KCNIP4: variants seen among roughly 807,000 people sequenced by gnomAD.
KCNIP4 encodes the protein Kv channel-interacting protein 4.
KCNIP4 carries 12 observed loss-of-function variants against 34.0 expected under a neutral mutation model. That is an observed-to-expected ratio of 0.35 (90% CI 0.23 to 0.57). The LOEUF (loss-of-function observed/expected upper bound fraction) is 0.57, where lower values mean the gene tolerates loss of function less well. KCNIP4 is among the 20% of genes least tolerant of loss of function. The pLI, the probability that KCNIP4 is intolerant of heterozygous loss-of-function variation, is 0.83. For missense variants in KCNIP4, 238 were observed against 311.7 expected (o/e 0.76, Z 1.78); for synonymous variants, 124 against 102.2 (o/e 1.21, Z -1.29).
chr4:21,409,478 A>G lies in KCNIP4; in HGVS notation c.62-526769T>C, dbSNP rs554252111. The stretch of plus-strand genomic sequence containing the variant: ...TGTAAAATTTCAATAAAGATCAAGC[A>G]TCTGTGCTGAAAATTTACCATATGA... On this transcript the variant is annotated intron_variant, in intron 1 of 8. Transcript: ENST00000382152. Among the ~76,000 whole-genome samples, 4 of 152,276 alleles carry G rather than the reference A, an allele frequency of 2.6e-5. No homozygotes were observed. In the East Asian group the frequency reaches 7.7e-4, roughly 29 times the overall value.
intron 1 of KCNIP4, among the ~76,000 whole-genome samples, chr4:21,679,065 G>A (rs1216348784): frequency 6.6e-6 from 1 of 152,150 alleles, no homozygotes; most frequent in East Asian, 1.9e-4. Context: ...AAGCCAAGGA[G>A]AAAGGACTCA....
intron 1 of KCNIP4, among the ~76,000 whole-genome samples, chr4:20,900,875 C>T (rs73805218): frequency 0.012 from 1,828 of 151,996 alleles, 12 homozygotes; most frequent in Middle Eastern, 0.031. Context: ...ATTGTGTTCT[C>T]GAGCTAAAAT....
chr4:21,699,260 T>C (rs1712632432), intron 1 of KCNIP4, among the ~76,000 whole-genome samples: 2 of 152,200 alleles, frequency 1.3e-5, no homozygotes, highest in Admixed American at 1.3e-4. Context: ...CACAGCACTT[T>C]TATTCATAGA....
At chr4:20,797,968 G>A (rs1713694707) in intron 3 of KCNIP4, among the ~76,000 whole-genome samples, 1 of 152,224 alleles carries the variant, frequency 6.6e-6, no homozygotes, top group Non-Finnish European at 1.5e-5. Context: ...TAGTAAATCA[G>A]TGTTTTTAGC....
intron 1 of KCNIP4, among the ~76,000 whole-genome samples, chr4:20,914,795 T>A (rs562799074): frequency 6.6e-6 from 1 of 152,258 alleles, no homozygotes; most frequent in African/African-American, 2.4e-5. Context: ...TGGGTTCAGA[T>A]CTTACCAACG....
At chr4:21,345,730 T>G (rs546584762) in intron 1 of KCNIP4, among the ~76,000 whole-genome samples, 56 of 152,200 alleles carry the variant, frequency 3.7e-4, no homozygotes, top group African/African-American at 1.3e-3. Flanking sequence ...ATTTTCTTTA[T>G]TATATTAGCA....
At chr4:21,268,290 A>T (rs1423533034) in intron 1 of KCNIP4, among the ~76,000 whole-genome samples, 1 of 151,760 alleles carries the variant, frequency 6.6e-6, no homozygotes, top group East Asian at 1.9e-4. Context: ...TAATGTTTTT[A>T]TATGAAAATG....
chr4:21,064,213 G>C (rs1290550976), intron 1 of KCNIP4, among the ~76,000 whole-genome samples: 1 of 152,014 alleles, frequency 6.6e-6, no homozygotes. Flanking sequence ...GATGAAATTA[G>C]ATATGTTGGC....
chr4:20,872,249 G>A (rs959343737), intron 2 of KCNIP4, among the ~76,000 whole-genome samples: 3 of 152,080 alleles, frequency 2.0e-5, no homozygotes, highest in African/African-American at 7.2e-5. Context: ...CAGCCTCAAA[G>A]GAGAATGGTT....
intron 1 of KCNIP4, among the ~76,000 whole-genome samples, chr4:21,307,293 C>T (rs577849913): frequency 2.0e-5 from 3 of 152,254 alleles, no homozygotes; most frequent in African/African-American, 7.2e-5. Context: ...GTATTTCCCT[C>T]TCTTGCAGTG....
intron 1 of KCNIP4, among the ~76,000 whole-genome samples, chr4:20,992,565 C>T (rs970396817): frequency 6.6e-6 from 1 of 152,124 alleles, no homozygotes; most frequent in Non-Finnish European, 1.5e-5. Context: ...TGTGCTTTCT[C>T]CTGTCTCCCT....
intron 6 of KCNIP4, among the ~76,000 whole-genome samples, chr4:20,734,307 T>A (rs1749066104): frequency 6.6e-6 from 1 of 152,214 alleles, no homozygotes; most frequent in African/African-American, 2.4e-5. Flanking sequence ...AAAGAAAGGC[T>A]TCAGGCTAAA....
At chr4:21,276,393 T>C (rs1274273111) in intron 1 of KCNIP4, among the ~76,000 whole-genome samples, 1 of 148,904 alleles carries the variant, frequency 6.7e-6, no homozygotes, top group Non-Finnish European at 1.5e-5. Context: ...GTAGATACAG[T>C]GTTTCACCAT....
At chr4:21,616,858 T>C (rs1161897114) in intron 1 of KCNIP4, among the ~76,000 whole-genome samples, 5 of 152,224 alleles carry the variant, frequency 3.3e-5, no homozygotes, top group Admixed American at 2.6e-4. Context: ...AATTAGCTAA[T>C]TGATGACCTT....
intron 1 of KCNIP4, among the ~76,000 whole-genome samples, chr4:21,150,225 T>C (rs1180853613): frequency 1.3e-5 from 2 of 152,104 alleles, no homozygotes; most frequent in Non-Finnish European, 2.9e-5. Flanking sequence ...AGCAAACACA[T>C]AGGGTATGTA....
chr4:21,663,945 T>C lies in KCNIP4; in HGVS notation c.61+284626A>G, dbSNP rs540297715. Among the ~76,000 whole-genome samples the C allele has an allele frequency of 2.0e-4, 31 of 152,246 alleles. No homozygotes were observed. In the South Asian group the frequency reaches 6.4e-3, roughly 32 times the overall value. ...ACTTAGGTTTTTTTGTTTGCTTTTG[T>C]TTTGTTTCTTTTTTTTTGAGACAGA... On this transcript the variant is annotated intron_variant, in intron 1 of 8. Coordinates refer to ENST00000382152, the MANE Select transcript of KCNIP4 (RefSeq NM_025221.6).
rs145593846 is a variant in KCNIP4 at position 20,992,889 on chromosome 4, G to A, written c.62-110180C>T. On this transcript the variant is annotated intron_variant, in intron 1 of 8. Transcript: ENST00000382152. ...CTAAAAATACAAAAATCAGCCGGGC[G>A]CGGCGGTGGGCACCTGTAATCCCAG... Among the ~76,000 whole-genome samples, 68 of 151,944 alleles carry A rather than the reference G, an allele frequency of 4.5e-4. 1 individual carries two copies. The East Asian group carries it at 9.7e-3, about 22-fold the overall frequency.
chr4:20,872,737 A>G (rs1487531847), intron 2 of KCNIP4, among the ~76,000 whole-genome samples: 1 of 152,184 alleles, frequency 6.6e-6, no homozygotes, highest in African/African-American at 2.4e-5. Context: ...TTTTGTAAGT[A>G]GTCATCATTC....
chr4:21,102,673 T>C (rs1233972173), intron 1 of KCNIP4, among the ~76,000 whole-genome samples: 2 of 152,238 alleles, frequency 1.3e-5, no homozygotes, highest in Non-Finnish European at 2.9e-5. Context: ...TTCTGTATTT[T>C]TTGGCTCTGA....
Sources: gnomAD v4.1 joint callset for allele counts (sites outside exome capture counted in the v4.1 genomes callset) on GRCh38, gnomAD v4.1.1 for gene constraint, MANE v1.5 for transcripts, NCBI Gene and HGNC (gene_info 2026-07-23, HGNC 2026-07-21) for gene names.